Variants in CFAP54 observed in about 807,000 individuals in gnomAD.
The protein encoded by CFAP54 is cilia- and flagella-associated protein 54.
CFAP54 carries 290 observed loss-of-function variants against 370.4 expected under a neutral mutation model. The observed-to-expected ratio is 0.78, with a 90% CI of 0.71 to 0.86. CFAP54 has a LOEUF of 0.86. Ranked by LOEUF, CFAP54 falls within the 40% of genes least tolerant of loss-of-function variation. The pLI is 0.00. For synonymous variants in CFAP54, 1,206 were observed against 1,236.5 expected (o/e 0.98, Z 0.52); for missense variants, 3,399 against 3,528.7 (o/e 0.96, Z 0.93).
At chr12:96,563,865 A>G (rs1955838974) in intron 17 of CFAP54, among the ~76,000 whole-genome samples, 1 of 152,220 alleles carries the variant, frequency 6.6e-6, no homozygotes, top group African/African-American at 2.4e-5. Flanking sequence ...ATAGTTGTAT[A>G]TAGTTGTATC....
At chr12:96,554,867 A>G (rs1252298186) in intron 17 of CFAP54, 65 bp downstream of exon 17, 1 of 1,337,142 alleles carries the variant, frequency 7.5e-7, no homozygotes, top group Non-Finnish European at 9.6e-7. Flanking sequence ...GTACAGAATC[A>G]ATTTAATTTG....
intron 50 of CFAP54, among the ~76,000 whole-genome samples, chr12:96,727,567 T>C (rs1957858622): frequency 6.6e-6 from 1 of 150,434 alleles, no homozygotes; most frequent in African/African-American, 2.5e-5. Context: ...AGCCTATGTG[T>C]GTCTCTGCAC....
chr12:96,728,815 C>T (rs537227271), intron 50 of CFAP54, among the ~76,000 whole-genome samples: 21 of 152,178 alleles, frequency 1.4e-4, no homozygotes, highest in African/African-American at 5.1e-4. Flanking sequence ...GTTTTATCTG[C>T]TTTGGGTCTT....
chr12:96,504,527 T>C (rs1195120984), intron 3 of CFAP54, among the ~76,000 whole-genome samples: 2 of 152,214 alleles, frequency 1.3e-5, no homozygotes. Flanking sequence ...CTGAGTACTC[T>C]TCTAAATACA....
intron 59 of CFAP54, among the ~76,000 whole-genome samples, chr12:96,764,823 A>T (rs1958382402): frequency 6.6e-6 from 1 of 152,214 alleles, no homozygotes. Context: ...ACTATCTGTC[A>T]TAGCTAGGTA....
intron 39 of CFAP54, among the ~76,000 whole-genome samples, chr12:96,679,369 T>C (rs1175786854): frequency 6.6e-6 from 1 of 150,554 alleles, no homozygotes; most frequent in Non-Finnish European, 1.5e-5. Flanking sequence ...TTGCATTTCA[T>C]AAGAATCAAA....
intron 5 of CFAP54, among the ~76,000 whole-genome samples, chr12:96,513,294 C>G (rs368939553): frequency 1.8e-4 from 28 of 152,292 alleles, no homozygotes; most frequent in South Asian, 1.0e-3. Context: ...CTCTGTCTCT[C>G]AGATAGTCAT....
chr12:96,868,470 C>T (rs1371681412), intron 67 of CFAP54, among the ~76,000 whole-genome samples: 1 of 142,958 alleles, frequency 7.0e-6, no homozygotes, highest in Non-Finnish European at 1.5e-5. Context: ...CCCTCAATAA[C>T]AGGAATACAA....
chr12:96,833,507 C>T lies in CFAP54; in HGVS notation c.9171+4419C>T, dbSNP rs200378625. On this transcript the variant is annotated intron_variant, in intron 66 of 67. Transcript: ENST00000524981. ...TTGCCTAATCAATTACACACGCGTA[C>T]GTGTGTGTGTGTGTGTGTGTGTGTG... Among the ~76,000 whole-genome samples, 114 of 144,064 alleles carry T rather than the reference C, an allele frequency of 7.9e-4. 1 individual carries two copies. Among genetic ancestry groups the T allele is most frequent in the South Asian group, 1.1e-3 (5 of 4,414 alleles). The allele number at this position is 144,064 out of a possible 152,430, so 94.5% of individuals were successfully genotyped here.
intron 14 of CFAP54, among the ~76,000 whole-genome samples, chr12:96,545,027 T>C (rs1415845594): frequency 6.6e-6 from 1 of 152,036 alleles, no homozygotes; most frequent in Non-Finnish European, 1.5e-5. Flanking sequence ...TTCTTTTGCC[T>C]CAGCCTCCCG....
intron 66 of CFAP54, among the ~76,000 whole-genome samples, chr12:96,836,242 T>C (rs749436147): frequency 6.6e-6 from 1 of 152,154 alleles, no homozygotes; most frequent in Non-Finnish European, 1.5e-5. Flanking sequence ...GCTGAGGGAA[T>C]GGTCTTCAGA....
intron 26 of CFAP54, among the ~76,000 whole-genome samples, chr12:96,619,414 T>C (rs1473553415): frequency 6.6e-6 from 1 of 152,200 alleles, no homozygotes; most frequent in Non-Finnish European, 1.5e-5. Flanking sequence ...TTCTTTTCTC[T>C]GTTCTGTTTT....
At chr12:96,736,846 C>A (rs1461742287) in intron 50 of CFAP54, among the ~76,000 whole-genome samples, 1 of 152,078 alleles carries the variant, frequency 6.6e-6, no homozygotes, top group Non-Finnish European at 1.5e-5. Flanking sequence ...AGCAAAAATT[C>A]AACAAAACCA....
chr12:96,810,010 T>A (rs1170551806), intron 63 of CFAP54, among the ~76,000 whole-genome samples: 3 of 152,106 alleles, frequency 2.0e-5, no homozygotes, highest in African/African-American at 7.2e-5. Flanking sequence ...TGATTTAACA[T>A]AAGCAGAGAG....
chr12:96,768,177 C>T (rs980058634), intron 60 of CFAP54, among the ~76,000 whole-genome samples: 6 of 151,952 alleles, frequency 3.9e-5, no homozygotes, highest in African/African-American at 1.5e-4. Flanking sequence ...AAAAATTAGC[C>T]GGGTGTGCTG....
intron 15 of CFAP54, among the ~76,000 whole-genome samples, chr12:96,549,451 G>A (rs1012349406): frequency 3.9e-5 from 6 of 152,050 alleles, no homozygotes; most frequent in South Asian, 4.1e-4. Flanking sequence ...CTGGGAAATC[G>A]TCAAAATAAA....
At chr12:96,699,520 G>T (rs1416548426) in intron 45 of CFAP54, among the ~76,000 whole-genome samples, 1 of 152,114 alleles carries the variant, frequency 6.6e-6, no homozygotes, top group Non-Finnish European at 1.5e-5. Context: ...ATTAGTAGTT[G>T]TCTCTATGTT....
intron 26 of CFAP54, among the ~76,000 whole-genome samples, chr12:96,617,299 A>G (rs184095461): frequency 6.6e-6 from 1 of 152,222 alleles, no homozygotes; most frequent in Non-Finnish European, 1.5e-5. Flanking sequence ...ATGTAAAGAC[A>G]AAGAAGTCAT....
intron 26 of CFAP54, among the ~76,000 whole-genome samples, chr12:96,616,477 G>A (rs926954822): frequency 6.6e-6 from 1 of 152,136 alleles, no homozygotes; most frequent in African/African-American, 2.4e-5. Context: ...AAAACTGCAT[G>A]TTGTACACAT....
Sources: gnomAD v4.1 joint callset for allele counts (sites outside exome capture counted in the v4.1 genomes callset) on GRCh38, gnomAD v4.1.1 for gene constraint, MANE v1.5 for transcripts, NCBI Gene and HGNC (gene_info 2026-07-23, HGNC 2026-07-21) for gene names.